Variants in DYNC2I2 observed in about 807,000 individuals in gnomAD.
The protein encoded by DYNC2I2 is cytoplasmic dynein 2 intermediate chain 2.
Under a neutral mutation model 52.0 loss-of-function variants are expected in DYNC2I2, and 39 were observed. The observed-to-expected ratio is 0.75, with a 90% CI of 0.58 to 0.98. The LOEUF is 0.98. Ranked by LOEUF, DYNC2I2 falls within the 50% of genes least tolerant of loss-of-function variation. DYNC2I2 has a pLI of 0.00. For synonymous variants in DYNC2I2, 359 were observed against 321.1 expected (o/e 1.12, Z -1.26); for missense variants, 743 against 728.4 (o/e 1.02, Z -0.23).
chr9:128,656,460 G>A, intron 1 of DYNC2I2, 81 bp downstream of exon 1: 3 of 1,116,662 alleles, frequency 2.7e-6, no homozygotes, highest in African/African-American at 2.1e-5. Flanking sequence ...AGCCACGGTG[G>A]GACGCCCGAA....
the DYNC2I2 span, among the ~76,000 whole-genome samples, chr9:128,668,630 G>A: frequency 1.3e-5 from 2 of 151,540 alleles, no homozygotes; most frequent in African/African-American, 4.8e-5. Flanking sequence ...AGACCAGCTT[G>A]GCCAACATGG....
At chr9:128,684,073 T>C in the DYNC2I2 span, 1 of 1,287,154 alleles carries the variant, frequency 7.8e-7, no homozygotes. Flanking sequence ...CTCTGATTTT[T>C]ACCCCCCAAT....
rs1412029975 is a variant in DYNC2I2, at chr9:128,655,601, CTG to C, written c.186+938_186+939del. 9.7e-5 allele frequency among the ~76,000 whole-genome samples: 12 copies of C among 123,892 alleles called. No homozygotes were observed. In the Admixed American group the frequency reaches 9.8e-4, roughly 10 times the overall value. 81.3% of individuals were successfully genotyped at this position (123,892 alleles called of 152,430 possible). A position where few individuals can be genotyped will look rare whatever the true frequency, so the allele number is the denominator to read the frequency against. Reference sequence around the variant, plus strand: ...CCAGCCTGGGCGACAGAGTGAGACTCTGTCTCAAAAAAAAGAAAAAAAAGAAG... The same window carrying C: ...CCAGCCTGGGCGACAGAGTGAGACTCTCTCAAAAAAAAGAAAAAAAAGAAG... On this transcript the variant is annotated intron_variant, in intron 1 of 8. Coordinates refer to ENST00000372715, the MANE Select transcript of DYNC2I2 (RefSeq NM_052844.4).
At chr9:128,683,105 C>T in the DYNC2I2 span, among the ~76,000 whole-genome samples, 1 of 151,982 alleles carries the variant, frequency 6.6e-6, no homozygotes, top group Non-Finnish European at 1.5e-5. Context: ...AGCGATTCTC[C>T]TGCCTCAGCC....
chr9:128,674,053 C>A, the DYNC2I2 span, among the ~76,000 whole-genome samples: 1 of 151,562 alleles, frequency 6.6e-6, no homozygotes, highest in Non-Finnish European at 1.5e-5. Context: ...GGTGATCCAC[C>A]CACCTCACCC....
the DYNC2I2 span, among the ~76,000 whole-genome samples, chr9:128,672,595 C>G: frequency 6.7e-6 from 1 of 150,162 alleles, no homozygotes; most frequent in Admixed American, 6.7e-5. Context: ...CAACTTAAAT[C>G]TATGCTTCTG....
chr9:128,681,954 C>T, the DYNC2I2 span, among the ~76,000 whole-genome samples: 1 of 152,184 alleles, frequency 6.6e-6, no homozygotes, highest in African/African-American at 2.4e-5. Context: ...TGCCTGTAAC[C>T]CCAGCTACTC....
At chr9:128,636,238 T>C (rs1248484284) in intron 4 of DYNC2I2, 43 bp downstream of exon 4, 3 of 1,552,130 alleles carry the variant, frequency 1.9e-6, no homozygotes, top group Non-Finnish European at 2.6e-6. Context: ...GGCGGGAAGC[T>C]GAGTCCTGAG....
At chr9:128,668,330 A>G in the DYNC2I2 span, among the ~76,000 whole-genome samples, 1 of 151,182 alleles carries the variant, frequency 6.6e-6, no homozygotes, top group African/African-American at 2.4e-5. Context: ...GGCATGAGCC[A>G]CTGCGTCTGG....
chr9:128,678,957 C>T, the DYNC2I2 span, among the ~76,000 whole-genome samples: 1 of 151,934 alleles, frequency 6.6e-6, no homozygotes, highest in Admixed American at 6.6e-5. Context: ...TAGTCCCAGC[C>T]ACTTGTAAGG....
the DYNC2I2 span, among the ~76,000 whole-genome samples, chr9:128,683,033 C>T: frequency 6.6e-6 from 1 of 151,268 alleles, no homozygotes; most frequent in Non-Finnish European, 1.5e-5. Context: ...CCCGCTCTGT[C>T]GCCTAGGCTG....
rs1188810026 is a variant in DYNC2I2, at chr9:128,656,551, C to A, written c.176G>T (p.Arg59Leu). 2 of 1,431,560 alleles carry A rather than the reference C, an allele frequency of 1.4e-6. No individual in the cohort carries two copies. The highest frequency in any genetic ancestry group is 1.4e-5 in the South Asian group (1 of 72,204). 88.7% of individuals were successfully genotyped at this position (1,431,560 alleles called of 1,614,324 possible). ...PSQWRAVQGI[R>L]WETKSCQTAS... ...GGCCCGCGCCCTCACCGTCTCCCAG[C>A]GGATGCCCTGGACGGCCCTCCACTG... Residue 59 changes from arginine (R) to leucine (L), a missense_variant, in exon 1 of 9, where the codon CGC (arginine) becomes CTC (leucine). Arg to Leu is a moderately radical substitution (Grantham distance 102). Transcript: ENST00000372715.
intron 4 of DYNC2I2, 35 bp downstream of exon 4, chr9:128,636,246 G>C: frequency 6.4e-7 from 1 of 1,553,060 alleles, no homozygotes; most frequent in Non-Finnish European, 8.7e-7. Context: ...GCTGAGTCCT[G>C]AGAGGAGAGG....
rs775360331 is a variant in DYNC2I2, at chr9:128,640,646, G to T, written c.435+45C>A. The T allele has an allele frequency of 3.2e-6, 5 of 1,584,532 alleles. No individual in the cohort carries two copies. In the African/African-American group the frequency reaches 5.4e-5, roughly 17 times the overall value. On this transcript the variant is annotated intron_variant, in intron 2 of 8. Coordinates refer to ENST00000372715, the MANE Select transcript of DYNC2I2 (RefSeq NM_052844.4). ...GGAAGGAAAACAAGAGGAGACAGAA[G>T]TGGGGCAGGGGCTCGACCCGAGGCT... is the stretch of plus-strand genomic sequence containing the variant.
chr9:128,646,523 A>T (rs73623581), intron 1 of DYNC2I2, among the ~76,000 whole-genome samples: 117 of 152,204 alleles, frequency 7.7e-4, no homozygotes, highest in African/African-American at 2.6e-3. Context: ...AAAGTAGATG[A>T]AACATTAGAA....
the DYNC2I2 span, among the ~76,000 whole-genome samples, chr9:128,672,719 G>A: frequency 6.6e-6 from 1 of 152,052 alleles, no homozygotes; most frequent in African/African-American, 2.4e-5. Flanking sequence ...TGGACAATTT[G>A]GGAACATGTT....
At chr9:128,668,655 T>C in the DYNC2I2 span, among the ~76,000 whole-genome samples, 1 of 151,078 alleles carries the variant, frequency 6.6e-6, no homozygotes, top group Non-Finnish European at 1.5e-5. Flanking sequence ...ATCCCATCTC[T>C]ACTAAAAATA....
At chr9:128,661,655 G>A (rs537688328), upstream of DYNC2I2, among the ~76,000 whole-genome samples, 1 of 152,152 alleles carries the variant, frequency 6.6e-6, no homozygotes, top group African/African-American at 2.4e-5. Flanking sequence ...CGGGCGTGGT[G>A]TCAGGCACCT....
At chr9:128,653,218 G>A (rs1860752427) in intron 1 of DYNC2I2, among the ~76,000 whole-genome samples, 1 of 150,904 alleles carries the variant, frequency 6.6e-6, no homozygotes, top group African/African-American at 2.5e-5. Context: ...AACAAAGCGA[G>A]ACTCCGTCTC....
Sources: allele counts gnomAD v4.1 joint callset (sites outside exome capture counted in the v4.1 genomes callset), GRCh38; gene constraint gnomAD v4.1.1; transcripts MANE v1.5; gene names NCBI Gene and HGNC (gene_info 2026-07-23, HGNC 2026-07-21).